MYRIP: variants seen among roughly 807,000 people sequenced by gnomAD.
MYRIP encodes the protein myosin VIIA and Rab interacting protein, also known as rab effector MyRIP.
In MYRIP, 49 loss-of-function variants were observed where a neutral mutation model predicts 98.0. The observed-to-expected ratio is 0.50, with a 90% CI of 0.40 to 0.63. The LOEUF (loss-of-function observed/expected upper bound fraction) is 0.63. Among genes scored for constraint, MYRIP ranks in the 30% least tolerant of loss-of-function variants. MYRIP has a pLI of 0.00. For missense variants in MYRIP, 1,004 were observed against 1,058.2 expected, an observed-to-expected ratio of 0.95 and a Z score of 0.71; for synonymous variants, 404 against 409.5, an observed-to-expected ratio of 0.99 and a Z score of 0.16.
At chr3:40,204,491 A>G (rs765590662) in intron 10 of MYRIP, among the ~76,000 whole-genome samples, 1 of 151,444 alleles carries the variant, frequency 6.6e-6, no homozygotes, top group Non-Finnish European at 1.5e-5. Flanking sequence ...CACACACTAC[A>G]TTTAAGTGTG....
At chr3:40,254,689 C>T (rs1953515229) in intron 16 of MYRIP, among the ~76,000 whole-genome samples, 1 of 152,080 alleles carries the variant, frequency 6.6e-6, no homozygotes, top group Admixed American at 6.5e-5. Context: ...TTGCATGACC[C>T]AGTTCTCAGC....
intron 3 of MYRIP, among the ~76,000 whole-genome samples, chr3:40,077,298 G>A (rs893465920): frequency 6.6e-6 from 1 of 152,150 alleles, no homozygotes; most frequent in Non-Finnish European, 1.5e-5. Flanking sequence ...GCCACTGCTG[G>A]CTCGGGCAGC....
chr3:40,149,668 T>C (rs1015535047), intron 3 of MYRIP, among the ~76,000 whole-genome samples: 2 of 152,190 alleles, frequency 1.3e-5, no homozygotes, highest in African/African-American at 4.8e-5. Context: ...CTGAGTACTG[T>C]CATAATCCAA....
intron 10 of MYRIP, among the ~76,000 whole-genome samples, chr3:40,193,474 A>G (rs938971855): frequency 2.0e-5 from 3 of 152,200 alleles, no homozygotes; most frequent in African/African-American, 7.2e-5. Context: ...TGATTTTATA[A>G]GCAGTACTGC....
At chr3:40,150,984 A>G (rs1950106159) in intron 3 of MYRIP, 64 bp from the exon 4 acceptor site, 3 of 1,411,382 alleles carry the variant, frequency 2.1e-6, no homozygotes, top group Non-Finnish European at 2.8e-6. Flanking sequence ...GAAGCATTGC[A>G]GCAGTTTTGC....
intron 10 of MYRIP, among the ~76,000 whole-genome samples, chr3:40,204,016 A>T (rs554361489): frequency 1.1e-4 from 1 of 9,006 alleles, no homozygotes; most frequent in Non-Finnish European, 2.6e-4. Flanking sequence ...ATTATATATA[A>T]TATATATTAT....
At chr3:40,181,238 C>T (rs978202926) in intron 8 of MYRIP, among the ~76,000 whole-genome samples, 9 of 125,332 alleles carry the variant, frequency 7.2e-5, no homozygotes, top group African/African-American at 1.5e-4. Context: ...AGCCCAGGCA[C>T]GGCTGACTCC....
In MYRIP at chr3:40,151,152, G is replaced by A. The variant is rs200900937; in HGVS notation, c.437G>A (p.Arg146Gln). The A allele has an allele frequency of 2.4e-4, 394 of 1,609,718 alleles. 2 individuals are homozygous for A. In the East Asian group the frequency reaches 3.5e-3, roughly 14 times the overall value. ...CTGAAGAACCTGTACAGGAAGCACC[G>A]GCTGGAGAGTGGCGCGTGCTTCGAC... ...KVLKNLYRKHRLESGACFDIL... is the reference protein window; with the variant it reads ...KVLKNLYRKHQLESGACFDIL... Residue 146 changes from arginine to glutamine, a missense_variant, in exon 4 of 17, where the codon CGG (arginine) becomes CAG (glutamine). Around this residue, in one of 3 missense-constraint regions of MYRIP, gnomAD observed 880 missense variants for 907.7 expected, o/e 0.97. Coordinates refer to ENST00000302541, the MANE Select transcript of MYRIP (RefSeq NM_015460.4).
intron 2 of MYRIP, among the ~76,000 whole-genome samples, chr3:39,987,403 A>G (rs1946057276): frequency 6.6e-6 from 1 of 152,136 alleles, no homozygotes; most frequent in Non-Finnish European, 1.5e-5. Context: ...TATCCAGTTT[A>G]TCATTGATGG....
At chr3:40,202,202 A>C (rs1024147204) in intron 10 of MYRIP, among the ~76,000 whole-genome samples, 13 of 152,172 alleles carry the variant, frequency 8.5e-5, no homozygotes, top group African/African-American at 3.1e-4. Context: ...TATATTCAAC[A>C]AATGTTAACA....
At position 39,870,863 on chromosome 3, in the gene MYRIP, C is replaced by T. The variant is rs771807111; in HGVS notation, c.-30-29924C>T. ...CTTTGGGTCTCAGCAGTTACTTACA[C>T]CAACTTATACTATAGTTCATGACGT... On this transcript the variant is annotated intron_variant, in intron 1 of 16. Coordinates refer to ENST00000302541, the MANE Select transcript of MYRIP (RefSeq NM_015460.4). Among the ~76,000 whole-genome samples, 14 of 152,190 alleles carry T rather than the reference C, an allele frequency of 9.2e-5. 1 individual carries two copies. Among genetic ancestry groups the T allele is most frequent in the Non-Finnish European group, 2.1e-4 (14 of 68,036 alleles).
chr3:39,848,470 C>T (rs1277779319), intron 1 of MYRIP, among the ~76,000 whole-genome samples: 2 of 152,114 alleles, frequency 1.3e-5, no homozygotes, highest in Admixed American at 1.3e-4. Flanking sequence ...TATTTTGACT[C>T]CTCTTTACTT....
intron 3 of MYRIP, among the ~76,000 whole-genome samples, chr3:40,047,298 T>C (rs1368047140): frequency 7.2e-5 from 11 of 152,250 alleles, no homozygotes; most frequent in Non-Finnish European, 1.6e-4. Context: ...CCATTTCACT[T>C]AATCTTGCAT....
chr3:39,919,208 G>A (rs1944243841), intron 2 of MYRIP, among the ~76,000 whole-genome samples: 1 of 152,202 alleles, frequency 6.6e-6, no homozygotes, highest in East Asian at 1.9e-4. Context: ...TGAGGGACCT[G>A]GTTTTGATTG....
chr3:39,827,269 T>C (rs1941295805), intron 1 of MYRIP, among the ~76,000 whole-genome samples: 1 of 152,128 alleles, frequency 6.6e-6, no homozygotes, highest in African/African-American at 2.4e-5. Flanking sequence ...TGTGCCACCA[T>C]GCCCAGCTTT....
chr3:39,996,660 A>G (rs975338806), intron 2 of MYRIP, among the ~76,000 whole-genome samples: 3 of 152,158 alleles, frequency 2.0e-5, no homozygotes, highest in African/African-American at 7.2e-5. Flanking sequence ...CAGGAACTGA[A>G]CTCAGCTCTG....
intron 1 of MYRIP, among the ~76,000 whole-genome samples, chr3:39,898,916 A>G (rs1367963275): frequency 6.6e-6 from 1 of 152,004 alleles, no homozygotes; most frequent in Non-Finnish European, 1.5e-5. Context: ...TATTATTTTT[A>G]TTTAGTTTTA....
chr3:39,855,481 A>AGACTCT (rs897497527), intron 1 of MYRIP, among the ~76,000 whole-genome samples: 3 of 152,224 alleles, frequency 2.0e-5, no homozygotes, highest in African/African-American at 7.2e-5. Flanking sequence ...GTCTGGTTTC[A>AGACTCT]GACTCTCCTT....
chr3:39,897,378 A>G (rs979203969), intron 1 of MYRIP, among the ~76,000 whole-genome samples: 2 of 152,230 alleles, frequency 1.3e-5, no homozygotes, highest in African/African-American at 2.4e-5. Flanking sequence ...GCTTGTGGGA[A>G]CAATAACCTG....
Sources: gnomAD v4.1 joint callset for allele counts (sites outside exome capture counted in the v4.1 genomes callset) on GRCh38, gnomAD v4.1.1 for gene constraint, gnomAD v4.1.1 regional missense constraint, MANE v1.5 for transcripts, NCBI Gene and HGNC (gene_info 2026-07-23, HGNC 2026-07-21) for gene names.